The following RHBDD1 variants were observed in gnomAD, a reference collection of about 807,000 sequenced individuals.
RHBDD1 encodes rhomboid domain containing 1.
Under a neutral mutation model 36.3 loss-of-function variants are expected in RHBDD1, and 38 were observed. That is an observed-to-expected ratio of 1.05 (90% CI 0.81 to 1.37). The LOEUF (loss-of-function observed/expected upper bound fraction) is 1.37, where lower values mean the gene tolerates loss of function less well. Ranked by LOEUF, RHBDD1 falls within the 40% of genes most tolerant of loss-of-function variation. The probability of loss-of-function intolerance (pLI) is 0.00; values close to 1 mark genes in which losing one functional copy is unlikely to be tolerated. For missense variants in RHBDD1, 393 were observed against 377.6 expected (o/e 1.04, Z -0.34); for synonymous variants, 151 against 136.5 (o/e 1.11, Z -0.74).
intron 8 of RHBDD1, among the ~76,000 whole-genome samples, chr2:226,966,873 G>C (rs1221598690): frequency 6.6e-6 from 1 of 151,972 alleles, no homozygotes; most frequent in East Asian, 1.9e-4. Flanking sequence ...GAGTGGGGTG[G>C]GTTGTGGGGA....
At chr2:226,839,866 CTG>C (rs1941418331) in intron 3 of RHBDD1, among the ~76,000 whole-genome samples, 1 of 152,074 alleles carries the variant, frequency 6.6e-6, no homozygotes, top group South Asian at 2.1e-4. Flanking sequence ...TTTTAACTGA[CTG>C]TTGTTTAGGA....
At chr2:226,897,684 G>T (rs1025345772) in intron 5 of RHBDD1, among the ~76,000 whole-genome samples, 2 of 152,052 alleles carry the variant, frequency 1.3e-5, no homozygotes, top group South Asian at 4.1e-4. Context: ...TTAAGAACCA[G>T]CTCTGGGCCG....
At chr2:226,800,961 A>T in the RHBDD1 span, among the ~76,000 whole-genome samples, 1 of 152,138 alleles carries the variant, frequency 6.6e-6, no homozygotes, top group Non-Finnish European at 1.5e-5. Context: ...AACGCTCCCC[A>T]GAGTTTTTTT....
At chr2:226,988,409 T>C in intron 8 of RHBDD1, 1 of 1,550,514 alleles carries the variant, frequency 6.4e-7, no homozygotes, top group Non-Finnish European at 8.7e-7. Flanking sequence ...AGGACCCAGA[T>C]GCCTGGGAAG....
At chr2:226,832,421 C>T (rs1428380272), upstream of RHBDD1, among the ~76,000 whole-genome samples, 1 of 152,098 alleles carries the variant, frequency 6.6e-6, no homozygotes, top group Non-Finnish European at 1.5e-5. Context: ...GGAGAGTATA[C>T]TTTTTAAAAA....
chr2:226,856,974 G>A (rs1005782760), intron 3 of RHBDD1, among the ~76,000 whole-genome samples: 10 of 152,144 alleles, frequency 6.6e-5, no homozygotes, highest in Admixed American at 2.0e-4. Flanking sequence ...TATCACAGGG[G>A]AATGGTAGAG....
intron 3 of RHBDD1, among the ~76,000 whole-genome samples, chr2:226,853,923 A>C (rs1202488672): frequency 2.6e-5 from 4 of 152,312 alleles, no homozygotes; most frequent in African/African-American, 9.6e-5. Context: ...CTGGACAGTT[A>C]AGTGATTTTC....
At chr2:226,859,915 G>A (rs1264486840) in intron 3 of RHBDD1, among the ~76,000 whole-genome samples, 2 of 152,192 alleles carry the variant, frequency 1.3e-5, no homozygotes, top group Non-Finnish European at 2.9e-5. Context: ...GAGAAGCAGA[G>A]AATTCAGTTG....
intron 8 of RHBDD1, among the ~76,000 whole-genome samples, chr2:226,973,274 T>A (rs141566895): frequency 5.3e-4 from 80 of 152,308 alleles, no homozygotes; most frequent in Non-Finnish European, 8.8e-4. Context: ...AGAGAAAGAA[T>A]GAGATTTGCC....
At chr2:226,801,079 G>A in the RHBDD1 span, among the ~76,000 whole-genome samples, 3 of 152,226 alleles carry the variant, frequency 2.0e-5, no homozygotes, top group Non-Finnish European at 4.4e-5. Context: ...TTTGATGCCT[G>A]GCCCGTTTGG....
At position 226,863,165 on chromosome 2, in the gene RHBDD1, C is replaced by T. The variant is rs1247880164; in HGVS notation, c.-90-1439C>T. ...GAGTTTGAGACCAGCCTGACCAACA[C>T]GGTGACACCTAGTCTCTACTAAAAA... On this transcript the variant is annotated intron_variant, in intron 3 of 8. Transcript: ENST00000392062. Among the ~76,000 whole-genome samples the T allele has an allele frequency of 6.6e-5, 10 of 151,944 alleles. 1 individual carries two copies. The highest frequency in any genetic ancestry group is 1.3e-4 in the Admixed American group (2 of 15,270).
At chr2:226,925,472 C>G (rs1407459452) in intron 8 of RHBDD1, among the ~76,000 whole-genome samples, 2 of 151,784 alleles carry the variant, frequency 1.3e-5, no homozygotes, top group African/African-American at 2.4e-5. Context: ...AATGAAAAAA[C>G]GTAAGGCACA....
intron 8 of RHBDD1, among the ~76,000 whole-genome samples, chr2:226,952,167 TCTC>T (rs1254803498): frequency 6.6e-6 from 1 of 152,096 alleles, no homozygotes; most frequent in Non-Finnish European, 1.5e-5. Context: ...TATCTCCTCA[TCTC>T]CTCTTAGGAG....
At chr2:226,826,008 A>G in the RHBDD1 span, among the ~76,000 whole-genome samples, 52 of 152,346 alleles carry the variant, frequency 3.4e-4, no homozygotes, top group African/African-American at 1.1e-3. Context: ...TAGGGGTTAC[A>G]CTGCTGGTTA....
At chr2:226,865,547 C>T (rs945729048) in intron 4 of RHBDD1, among the ~76,000 whole-genome samples, 1 of 152,176 alleles carries the variant, frequency 6.6e-6, no homozygotes, top group Non-Finnish European at 1.5e-5. Context: ...CAACAAGTTA[C>T]ATGAGGCAGA....
intron 5 of RHBDD1, among the ~76,000 whole-genome samples, chr2:226,871,055 A>G (rs1944760003): frequency 6.6e-6 from 1 of 152,204 alleles, no homozygotes; most frequent in African/African-American, 2.4e-5. Context: ...TTCATTGCTA[A>G]TATTTGACAA....
chr2:226,974,345 C>T (rs1004995994), intron 8 of RHBDD1, among the ~76,000 whole-genome samples: 1 of 152,052 alleles, frequency 6.6e-6, no homozygotes, highest in African/African-American at 2.4e-5. Flanking sequence ...TCACGCCATT[C>T]TTCTGCCTCA....
At chr2:226,880,423 T>C (rs1201221374) in intron 5 of RHBDD1, among the ~76,000 whole-genome samples, 1 of 152,206 alleles carries the variant, frequency 6.6e-6, no homozygotes, top group African/African-American at 2.4e-5. Flanking sequence ...GGGGTTACAA[T>C]TGAGCAGAAC....
At chr2:226,980,029 G>C (rs1369714527) in intron 8 of RHBDD1, among the ~76,000 whole-genome samples, 1 of 152,324 alleles carries the variant, frequency 6.6e-6, no homozygotes, top group South Asian at 2.1e-4. Flanking sequence ...GTCTGGGCTT[G>C]TGTGACTAAC....
Sources: gnomAD v4.1 joint callset for allele counts (sites outside exome capture counted in the v4.1 genomes callset) on GRCh38, gnomAD v4.1.1 for gene constraint, MANE v1.5 for transcripts, NCBI Gene and HGNC (gene_info 2026-07-23, HGNC 2026-07-21) for gene names.